ZRANB3: variants seen among roughly 807,000 people sequenced by gnomAD.
The protein encoded by ZRANB3 is zinc finger RANBP2-type containing 3.
A neutral mutation model predicts 133.8 loss-of-function variants in ZRANB3; 125 were observed. The ratio of observed to expected loss-of-function variants is 0.93; its 90% CI spans 0.81 to 1.08. The LOEUF (loss-of-function observed/expected upper bound fraction) is 1.08. Ranked by LOEUF, ZRANB3 falls within the 50% of genes least tolerant of loss-of-function variation. The pLI is 0.00. For missense variants in ZRANB3, 1,229 were observed against 1,275.5 expected, an observed-to-expected ratio of 0.96 and a Z score of 0.56; for synonymous variants, 387 against 432.7, an observed-to-expected ratio of 0.89 and a Z score of 1.31.
intron 8 of ZRANB3, among the ~76,000 whole-genome samples, chr2:135,278,844 A>G (rs987059713): frequency 1.3e-5 from 2 of 152,214 alleles, no homozygotes; most frequent in African/African-American, 4.8e-5. Context: ...GTGAATACTG[A>G]TCAAGCCAAA....
At chr2:135,245,523 C>G (rs1019192858) in intron 12 of ZRANB3, among the ~76,000 whole-genome samples, 1 of 151,936 alleles carries the variant, frequency 6.6e-6, no homozygotes, top group Non-Finnish European at 1.5e-5. Context: ...ACAATCTTGG[C>G]TCAATGCAAC....
intron 5 of ZRANB3, among the ~76,000 whole-genome samples, chr2:135,347,600 G>C (rs908991126): frequency 2.6e-5 from 4 of 152,148 alleles, no homozygotes; most frequent in African/African-American, 9.7e-5. Flanking sequence ...GTTCTCTTGG[G>C]TATATACCTA....
intron 2 of ZRANB3, among the ~76,000 whole-genome samples, chr2:135,471,269 G>A (rs1031975267): frequency 2.9e-4 from 44 of 152,098 alleles, no homozygotes; most frequent in African/African-American, 1.0e-3. Flanking sequence ...GGTATTCTTG[G>A]GATCTTTCAC....
intron 12 of ZRANB3, among the ~76,000 whole-genome samples, chr2:135,264,291 T>C (rs1398398323): frequency 6.6e-6 from 1 of 150,966 alleles, no homozygotes; most frequent in Non-Finnish European, 1.5e-5. Flanking sequence ...GCCAACATAG[T>C]GAAACCCTGT....
intron 2 of ZRANB3, among the ~76,000 whole-genome samples, chr2:135,402,495 C>T (rs762769967): frequency 6.6e-5 from 10 of 151,738 alleles, no homozygotes; most frequent in African/African-American, 1.5e-4. Context: ...GGGGATTCAC[C>T]GTGTTAGCCA....
chr2:135,483,078 C>T (rs1042675690), intron 2 of ZRANB3, among the ~76,000 whole-genome samples: 8 of 152,018 alleles, frequency 5.3e-5, no homozygotes, highest in Admixed American at 5.2e-4. Context: ...CTAAAATTCT[C>T]TTTTTTGGCT....
Position 135,245,549 on chromosome 2 carries a change from T to C in ZRANB3, c.1540-14622A>G, listed in dbSNP as rs1012396909. ...TCAATGCAACCTCCGCCTCCCTGGT[T>C]CAAGTGATTCTTGTGTCTCAGCCTC... On this transcript the variant is annotated intron_variant, in intron 12 of 20. Coordinates refer to ENST00000264159, the MANE Select transcript of ZRANB3 (RefSeq NM_032143.4). Among the ~76,000 whole-genome samples, 11 of 151,982 alleles carry C rather than the reference T, an allele frequency of 7.2e-5. No homozygotes were observed. The South Asian group carries it at 2.1e-3, about 29-fold the overall frequency.
chr2:135,506,493 GATA>G (rs1394840120), intron 1 of ZRANB3, among the ~76,000 whole-genome samples: 3 of 152,096 alleles, frequency 2.0e-5, no homozygotes, highest in Non-Finnish European at 1.5e-5. Flanking sequence ...ATACAGCCTT[GATA>G]ATAACTTTGG....
intron 2 of ZRANB3, among the ~76,000 whole-genome samples, chr2:135,498,129 C>T (rs1286125076): frequency 1.3e-5 from 2 of 151,608 alleles, no homozygotes; most frequent in Non-Finnish European, 2.9e-5. Context: ...ATACCATATA[C>T]ACAAAACAAT....
chr2:135,272,008 G>C (rs1447985954), intron 9 of ZRANB3, 121 bp from the exon 10 acceptor site: 3 of 1,085,976 alleles, frequency 2.8e-6, no homozygotes, highest in East Asian at 3.0e-5. Context: ...TAAGGTGACA[G>C]ATTGGTAAAT....
rs140266812 is a variant in ZRANB3, at chr2:135,436,991, G to A, written c.162-46171C>T. 1.6e-3 allele frequency among the ~76,000 whole-genome samples: 247 copies of A among 152,272 alleles called. 1 individual carries two copies. The highest frequency in any genetic ancestry group is 6.8e-3 in the Middle Eastern group (2 of 294). ...TATTCTTTTTTTGAGACGGAGTCTC[G>A]CTCTGTTGCCCAGGCTGGAGTGCAG... On this transcript the variant is annotated intron_variant, in intron 2 of 20. Transcript: ENST00000264159.
chr2:135,217,402 C>G, intron 17 of ZRANB3, 63 bp downstream of exon 17: 1 of 1,438,688 alleles, frequency 7.0e-7, no homozygotes, highest in Non-Finnish European at 9.2e-7. Flanking sequence ...TGCCTCAGAC[C>G]CCCCTGTAGA....
At chr2:135,481,103 G>T (rs1020049969) in intron 2 of ZRANB3, among the ~76,000 whole-genome samples, 5 of 152,078 alleles carry the variant, frequency 3.3e-5, no homozygotes, top group African/African-American at 1.2e-4. Context: ...ATAGCAGCAT[G>T]ATTTATAGTC....
chr2:135,450,275 CAAATA>C (rs1690208615), intron 2 of ZRANB3, among the ~76,000 whole-genome samples: 1 of 137,002 alleles, frequency 7.3e-6, no homozygotes, highest in Non-Finnish European at 1.6e-5. Flanking sequence ...AAAAAATAAA[CAAATA>C]AAATAAAATA....
At position 135,219,077 on chromosome 2, in the gene ZRANB3, C is replaced by G. The variant is rs1228985844; in HGVS notation, c.2352G>C (p.Leu784=). The change falls in exon 16 of 21, where the codon CTG becomes CTC. Residue 784 remains leucine, a splice_region_variant and synonymous_variant. Coordinates refer to ENST00000264159, the MANE Select transcript of ZRANB3 (RefSeq NM_032143.4). ...ASFQLKQYRS[L]ILRFVREWSS... is the part of the protein sequence containing the mutation. ...CCATTTTATTTAAAACTATTCTTAC[C>G]AGTGAGCGATATTGTTTCAGCTGAA... 3.4e-6 allele frequency: 5 copies of G among 1,476,724 alleles called. No individual in the cohort carries two copies. The African/African-American group carries it at 7.2e-5, about 21-fold the overall frequency. The allele number at this position is 1,476,724 out of a possible 1,614,324, so 91.5% of individuals were successfully genotyped here.
chr2:135,526,409 C>T (rs898018254), intron 1 of ZRANB3, among the ~76,000 whole-genome samples: 1 of 152,114 alleles, frequency 6.6e-6, no homozygotes, highest in African/African-American at 2.4e-5. Flanking sequence ...AGTAATCTGC[C>T]TGCCTTGGCC....
intron 2 of ZRANB3, among the ~76,000 whole-genome samples, chr2:135,406,009 T>C (rs1007071375): frequency 6.6e-6 from 1 of 151,958 alleles, no homozygotes; most frequent in Admixed American, 6.6e-5. Context: ...AAAAAACCCT[T>C]CAAAAAAATC....
intron 1 of ZRANB3, among the ~76,000 whole-genome samples, chr2:135,509,238 T>C (rs1693334811): frequency 6.6e-6 from 1 of 152,184 alleles, no homozygotes; most frequent in Non-Finnish European, 1.5e-5. Context: ...TCTTATGGGC[T>C]ATGAATAGGA....
rs374229804 is a variant in ZRANB3, at chr2:135,504,460, A to C, written c.30T>G (p.Ser10=). The C allele has an allele frequency of 7.4e-6, 12 of 1,613,280 alleles. No homozygotes were observed. In the African/African-American group the frequency reaches 1.3e-4, roughly 18 times the overall value. Residue 10 remains serine, a synonymous_variant, in exon 2 of 21, where the codon TCT becomes TCG. Coordinates refer to ENST00000264159, the MANE Select transcript of ZRANB3 (RefSeq NM_032143.4). Reference sequence around the variant, plus strand: ...TCACACAAGAAATGTGAGGTGTAAGAGACTTTTTTATGTTATGAACCCTAG... The same window carrying C: ...TCACACAAGAAATGTGAGGTGTAAGCGACTTTTTTATGTTATGAACCCTAG... The part of the protein sequence containing the change: MPRVHNIKK[S]LTPHISCVTN...
Sources: allele counts gnomAD v4.1 joint callset (sites outside exome capture counted in the v4.1 genomes callset), GRCh38; gene constraint gnomAD v4.1.1; transcripts MANE v1.5; gene names NCBI Gene and HGNC (gene_info 2026-07-23, HGNC 2026-07-21).